The following TECPR2 variants were observed in gnomAD, a reference collection of about 807,000 sequenced individuals.
TECPR2 encodes tectonin beta-propeller repeat-containing protein 2.
TECPR2 carries 65 observed loss-of-function variants against 138.1 expected under a neutral mutation model. The ratio of observed to expected loss-of-function variants is 0.47; its 90% confidence interval spans 0.39 to 0.58. TECPR2 has a LOEUF of 0.58. TECPR2 is among the 20% of genes least tolerant of loss of function. TECPR2 has a pLI of 0.00. For synonymous variants in TECPR2, 746 were observed against 749.8 expected (o/e 0.99, Z 0.08); for missense variants, 1,553 against 1,824.5 (o/e 0.85, Z 2.71).
chr14:102,490,713 C>T (rs1891138451), intron 17 of TECPR2, among the ~76,000 whole-genome samples: 1 of 152,204 alleles, frequency 6.6e-6, no homozygotes, highest in African/African-American at 2.4e-5. Context: ...CCATGGGCTC[C>T]TCCTCCAAAC....
chr14:102,443,646 G>A lies in TECPR2; in HGVS notation c.2753-1G>A, dbSNP rs1276623521. On this transcript the variant is annotated splice_acceptor_variant, in intron 11 of 19. Transcript: ENST00000359520. LOFTEE classifies it high-confidence loss of function. This position sits in a 1 kb window ranked among gnomAD's most constrained non-coding sequence, Gnocchi z 4.9. ...GGGGCTTCTTCCCATCTTCCTGGCA[G>A]GTCTGAGCGTGGATCGCCCTTGTGC... 6.4e-6 allele frequency: 10 copies of A among 1,567,464 alleles called. No homozygotes were observed. Among genetic ancestry groups the A allele is most frequent in the Non-Finnish European group, 7.8e-6 (9 of 1,147,286 alleles).
At chr14:102,488,204 CTTTTTT>C (rs956074734) in intron 17 of TECPR2, among the ~76,000 whole-genome samples, 3 of 150,770 alleles carry the variant, frequency 2.0e-5, no homozygotes, top group African/African-American at 7.3e-5. Context: ...TCACCTACTA[CTTTTTT>C]TTTGTTTTTT....
intron 2 of TECPR2, among the ~76,000 whole-genome samples, chr14:102,390,883 G>T (rs545716797): frequency 6.6e-6 from 1 of 151,530 alleles, no homozygotes; most frequent in African/African-American, 2.4e-5. Context: ...TAATAAATTG[G>T]CTTTCCAGCT....
intron 2 of TECPR2, among the ~76,000 whole-genome samples, chr14:102,406,783 G>A (rs1888670641): frequency 6.6e-6 from 1 of 152,330 alleles, no homozygotes; most frequent in East Asian, 1.9e-4. Flanking sequence ...GAGCCTGGGA[G>A]GTTGAGGCTG....
rs114795127 is a variant in TECPR2, at chr14:102,483,502, C to T, written c.3790-13477C>T. Among the ~76,000 whole-genome samples, 1,396 of 152,046 alleles carry T rather than the reference C, an allele frequency of 9.2e-3. 24 individuals carry two copies. The highest frequency in any genetic ancestry group is 0.032 in the African/African-American group (1,310 of 41,460). ...TGTCACCCAGGCTGGAGCACAATGG[C>T]GCAATCACAGCTCATTGTAGCTTTA... On this transcript the variant is annotated intron_variant, in intron 17 of 19. Coordinates refer to ENST00000359520, the MANE Select transcript of TECPR2 (RefSeq NM_014844.5).
At chr14:102,375,574 A>G (rs1887622097) in intron 1 of TECPR2, among the ~76,000 whole-genome samples, 1 of 152,184 alleles carries the variant, frequency 6.6e-6, no homozygotes, top group Admixed American at 6.5e-5. Flanking sequence ...AGGGACTGGA[A>G]GTTGGTCAGT....
At chr14:102,441,050 A>C (rs908773675) in intron 11 of TECPR2, among the ~76,000 whole-genome samples, 1 of 152,034 alleles carries the variant, frequency 6.6e-6, no homozygotes, top group African/African-American at 2.4e-5. Context: ...TGGGCCAGGA[A>C]AAAAAAAGAA....
chr14:102,446,614 A>G (rs1804112052), intron 13 of TECPR2, among the ~76,000 whole-genome samples: 1 of 151,836 alleles, frequency 6.6e-6, no homozygotes. Flanking sequence ...AAAAATAAAA[A>G]AGAGAGAGAG....
chr14:102,485,562 G>T (rs528251018), intron 17 of TECPR2, among the ~76,000 whole-genome samples: 1 of 152,162 alleles, frequency 6.6e-6, no homozygotes, highest in Non-Finnish European at 1.5e-5. Flanking sequence ...CTAACGGGGT[G>T]CCCTGGGTCC....
At position 102,385,951 on chromosome 14, in the gene TECPR2, T is replaced by G. The variant is rs772272089; in HGVS notation, c.219+9011T>G. ...ACCCTGCCTCAAAAAAAAAAAAAATTTAGCTAGTTATCCTTTAAATGTATT... is the reference window on the plus strand; with the variant it reads ...ACCCTGCCTCAAAAAAAAAAAAAATGTAGCTAGTTATCCTTTAAATGTATT... On this transcript the variant is annotated intron_variant, in intron 2 of 19. Coordinates refer to ENST00000359520, the MANE Select transcript of TECPR2 (RefSeq NM_014844.5). 1.2e-3 allele frequency among the ~76,000 whole-genome samples: 175 copies of G among 151,842 alleles called. 2 individuals are homozygous for G. Among genetic ancestry groups the G allele is most frequent in the Non-Finnish European group, 2.0e-3 (135 of 67,934 alleles).
rs1306874927 is a variant in TECPR2 at position 102,384,684 on chromosome 14, A to AAT, written c.219+7759_219+7760dup. On this transcript the variant is annotated intron_variant, in intron 2 of 19. Transcript: ENST00000359520. The stretch of plus-strand genomic sequence containing the variant: ...GGAGCAAGACACCACCTCAAAAAAA[A>AAT]ATATATATATATATATGTGTGTGTG... Among the ~76,000 whole-genome samples the AAT allele has an allele frequency of 2.2e-4, 32 of 146,626 alleles. 1 individual carries two copies. The highest frequency in any genetic ancestry group is 1.3e-3 in the South Asian group (6 of 4,600).
At chr14:102,373,975 G>T (rs1451739335) in intron 1 of TECPR2, among the ~76,000 whole-genome samples, 1 of 151,648 alleles carries the variant, frequency 6.6e-6, no homozygotes, top group African/African-American at 2.4e-5. Context: ...CACCTACTCG[G>T]GAGGCTGAGG....
chr14:102,404,622 G>A (rs1162088060), intron 2 of TECPR2, among the ~76,000 whole-genome samples: 2 of 151,580 alleles, frequency 1.3e-5, no homozygotes, highest in African/African-American at 2.4e-5. Flanking sequence ...TGTTGCCCAG[G>A]CTGCAGTGCA....
chr14:102,478,778 G>A (rs1364559352), intron 17 of TECPR2, among the ~76,000 whole-genome samples: 1 of 152,148 alleles, frequency 6.6e-6, no homozygotes, highest in African/African-American at 2.4e-5. Flanking sequence ...CACTATGGGA[G>A]GCCGAGGCAG....
At chr14:102,410,696 C>A (rs1009852547) in intron 4 of TECPR2, among the ~76,000 whole-genome samples, 1 of 152,172 alleles carries the variant, frequency 6.6e-6, no homozygotes, top group African/African-American at 2.4e-5. Flanking sequence ...TAGACTGTGC[C>A]CCCCCTCAAA....
At chr14:102,396,713 T>C (rs1196003576) in intron 2 of TECPR2, among the ~76,000 whole-genome samples, 1 of 152,220 alleles carries the variant, frequency 6.6e-6, no homozygotes, top group African/African-American at 2.4e-5. Context: ...GTTTCAACTC[T>C]TAGCACAGTA....
At chr14:102,395,307 G>T (rs535880546) in intron 2 of TECPR2, among the ~76,000 whole-genome samples, 2 of 152,252 alleles carry the variant, frequency 1.3e-5, no homozygotes, top group South Asian at 4.2e-4. Context: ...TTTGTTTCTT[G>T]CATATTTGGC....
intron 2 of TECPR2, among the ~76,000 whole-genome samples, chr14:102,379,746 G>A (rs12147255): frequency 4.4e-4 from 53 of 121,146 alleles, no homozygotes; most frequent in Non-Finnish European, 6.3e-4. Flanking sequence ...TCACACTGCT[G>A]AAGATCACCA....
At chr14:102,412,331 C>T (rs1888901307) in intron 4 of TECPR2, among the ~76,000 whole-genome samples, 1 of 152,032 alleles carries the variant, frequency 6.6e-6, no homozygotes, top group African/African-American at 2.4e-5. Flanking sequence ...CAGGGCTTCG[C>T]CATGTTGCAC....
Sources: gnomAD v4.1 joint callset for allele counts (sites outside exome capture counted in the v4.1 genomes callset) on GRCh38, gnomAD v4.1.1 for gene constraint, Gnocchi (gnomAD v3.1) non-coding constraint, MANE v1.5 for transcripts, NCBI Gene and HGNC (gene_info 2026-07-23, HGNC 2026-07-21) for gene names.